Variants in MFHAS1 observed in about 807,000 individuals in gnomAD.
The protein encoded by MFHAS1 is malignant fibrous histiocytoma-amplified sequence 1.
Under a neutral mutation model 70.4 loss-of-function variants are expected in MFHAS1, and 50 were observed. The ratio of observed to expected loss-of-function variants is 0.71; its 90% CI spans 0.57 to 0.90. The LOEUF is 0.90. Ranked by LOEUF, MFHAS1 falls within the 40% of genes least tolerant of loss-of-function variation. The pLI, the probability that MFHAS1 is intolerant of heterozygous loss-of-function variation, is 0.00. For synonymous variants in MFHAS1, 952 were observed against 620.0 expected, an observed-to-expected ratio of 1.54 and a Z score of -7.96; for missense variants, 1,795 against 1,347.6, an observed-to-expected ratio of 1.33 and a Z score of -5.20.
chr8:8,828,761 G>C (rs999411687), intron 1 of MFHAS1, among the ~76,000 whole-genome samples: 1 of 152,220 alleles, frequency 6.6e-6, no homozygotes, highest in African/African-American at 2.4e-5. Context: ...GGCGTGCATA[G>C]CCTGGAAAGA....
intron 1 of MFHAS1, among the ~76,000 whole-genome samples, chr8:8,840,924 C>A (rs1270956974): frequency 2.6e-5 from 4 of 152,166 alleles, no homozygotes; most frequent in Admixed American, 6.5e-5. Context: ...ACACTTCTTA[C>A]ACAAGAGCAT....
intron 1 of MFHAS1, among the ~76,000 whole-genome samples, chr8:8,799,313 G>A (rs957973542): frequency 8.5e-5 from 13 of 152,096 alleles, no homozygotes; most frequent in African/African-American, 2.9e-4. Context: ...TTATGAATAT[G>A]GTCTCTCAAA....
intron 1 of MFHAS1, among the ~76,000 whole-genome samples, chr8:8,867,438 T>A (rs1808900611): frequency 6.6e-6 from 1 of 151,956 alleles, no homozygotes; most frequent in East Asian, 1.9e-4. Flanking sequence ...GCACAGAAAA[T>A]TTTTTTTATA....
chr8:8,882,183 C>G (rs779800399), intron 1 of MFHAS1, among the ~76,000 whole-genome samples: 2 of 152,038 alleles, frequency 1.3e-5, no homozygotes, highest in Non-Finnish European at 2.9e-5. Context: ...GAGTTCGAGA[C>G]CAGCCTCACT....
intron 1 of MFHAS1, among the ~76,000 whole-genome samples, chr8:8,822,767 G>A (rs768825081): frequency 2.0e-5 from 3 of 147,804 alleles, no homozygotes; most frequent in Non-Finnish European, 4.5e-5. Context: ...GGGGGACTGA[G>A]ATGGTGACAG....
At chr8:8,868,443 A>C (rs181994973) in intron 1 of MFHAS1, among the ~76,000 whole-genome samples, 5 of 151,176 alleles carry the variant, frequency 3.3e-5, no homozygotes, top group African/African-American at 1.2e-4. Flanking sequence ...AACTGACTGT[A>C]AACTGATTAC....
At position 8,797,357 on chromosome 8, in the gene MFHAS1, G is replaced by C. The variant is rs1805942108; in HGVS notation, c.3125+8C>G. 6.2e-7 allele frequency: 1 copy of C among 1,613,300 alleles called. No homozygotes were observed. Among genetic ancestry groups the C allele is most frequent in the Non-Finnish European group, 8.5e-7 (1 of 1,179,378 alleles). On this transcript the variant is annotated splice_region_variant and intron_variant, in intron 2 of 2. Transcript: ENST00000276282. The stretch of plus-strand genomic sequence containing the variant: ...GGTCCCGGGGCCAGAGGGACTTTGA[G>C]AACTCACTTGGAACAGGGGCTGATC...
At position 8,893,264 on chromosome 8, in the gene MFHAS1, G is replaced by C. The variant is rs1810171768; in HGVS notation, c.-206C>G. On this transcript the variant is annotated 5_prime_UTR_variant, in exon 1 of 3. Coordinates refer to ENST00000276282, the MANE Select transcript of MFHAS1 (RefSeq NM_004225.3). ...AGCGGCTCCGGGGGACGCCGAGCGC[G>C]TGGAGAGCAGCTTGCATTCTCCCTG... 1.3e-5 allele frequency: 2 copies of C among 157,678 alleles called. No individual in the cohort carries two copies. The highest frequency in any genetic ancestry group is 6.6e-5 in the Admixed American group (1 of 15,202). The allele number at this position is 157,678 out of a possible 1,614,324, so 9.8% of individuals were successfully genotyped here.
chr8:8,845,311 A>G (rs1426699978), intron 1 of MFHAS1, among the ~76,000 whole-genome samples: 1 of 152,248 alleles, frequency 6.6e-6, no homozygotes. Context: ...TTCATCATCA[A>G]TACCAATATT....
chr8:8,884,206 T>C (rs994249353), intron 1 of MFHAS1, among the ~76,000 whole-genome samples: 1 of 152,184 alleles, frequency 6.6e-6, no homozygotes, highest in Admixed American at 6.5e-5. Context: ...ATAATTCAAA[T>C]ACTCCAAAGG....
chr8:8,806,816 C>A (rs1806307124), intron 1 of MFHAS1, among the ~76,000 whole-genome samples: 1 of 152,016 alleles, frequency 6.6e-6, no homozygotes, highest in African/African-American at 2.4e-5. Context: ...CAAAAATTAG[C>A]CAGGCGAGGT....
chr8:8,837,423 T>G (rs974430365), intron 1 of MFHAS1, among the ~76,000 whole-genome samples: 10 of 152,122 alleles, frequency 6.6e-5, no homozygotes, highest in Admixed American at 6.6e-4. Flanking sequence ...GCGGATCACT[T>G]GAGAGATCAG....
chr8:8,820,739 T>A (rs1666853985), intron 1 of MFHAS1, among the ~76,000 whole-genome samples: 1 of 152,156 alleles, frequency 6.6e-6, no homozygotes, highest in Non-Finnish European at 1.5e-5. Context: ...TGGGAAAAAC[T>A]CCAGGGGTGC....
intron 1 of MFHAS1, among the ~76,000 whole-genome samples, chr8:8,810,928 G>T (rs1367999780): frequency 6.6e-6 from 1 of 152,188 alleles, no homozygotes; most frequent in Admixed American, 6.5e-5. Context: ...TAGAGCTGAG[G>T]CCTCCCTGAA....
chr8:8,832,421 T>C (rs1807433860), intron 1 of MFHAS1, among the ~76,000 whole-genome samples: 1 of 85,988 alleles, frequency 1.2e-5, no homozygotes, highest in Non-Finnish European at 2.4e-5. Flanking sequence ...TAGAACAAGA[T>C]ACTTCACACA....
chr8:8,882,210 C>T (rs986545410), intron 1 of MFHAS1, among the ~76,000 whole-genome samples: 1 of 151,826 alleles, frequency 6.6e-6, no homozygotes, highest in Non-Finnish European at 1.5e-5. Flanking sequence ...GTGAAACCCC[C>T]ATCTCTACTA....
intron 1 of MFHAS1, among the ~76,000 whole-genome samples, chr8:8,816,485 G>C (rs1253364058): frequency 6.6e-6 from 1 of 152,180 alleles, no homozygotes; most frequent in Non-Finnish European, 1.5e-5. Context: ...TCATGCTAAA[G>C]AATCAGGGAA....
At chr8:8,871,029 T>C (rs1809055850) in intron 1 of MFHAS1, among the ~76,000 whole-genome samples, 1 of 152,156 alleles carries the variant, frequency 6.6e-6, no homozygotes, top group African/African-American at 2.4e-5. Flanking sequence ...TATTCTGCTT[T>C]TCATTCAAAT....
chr8:8,874,260 A>G (rs1212029084), intron 1 of MFHAS1, among the ~76,000 whole-genome samples: 2 of 152,066 alleles, frequency 1.3e-5, no homozygotes, highest in Non-Finnish European at 2.9e-5. Context: ...GTCTGCCGGT[A>G]TAGGTGTGAC....
Sources: allele counts gnomAD v4.1 joint callset (sites outside exome capture counted in the v4.1 genomes callset), GRCh38; gene constraint gnomAD v4.1.1; transcripts MANE v1.5; gene names NCBI Gene and HGNC (gene_info 2026-07-23, HGNC 2026-07-21).